Variants in CHLSN observed in about 807,000 individuals in gnomAD.
CHLSN encodes the protein protein cholesin.
At chr7:1,000,984 A>G in the CHLSN span, among the ~76,000 whole-genome samples, 1 of 152,310 alleles carries the variant, frequency 6.6e-6, no homozygotes, top group South Asian at 2.1e-4. Context: ...CCCTCACAAC[A>G]AGGGGCCAGT....
chr7:1,007,311 A>G, the CHLSN span, among the ~76,000 whole-genome samples: 1 of 152,216 alleles, frequency 6.6e-6, no homozygotes, highest in South Asian at 2.1e-4. Context: ...GTCCCAGTCC[A>G]GGGCCTCTGC....
chr7:1,009,412 C>T, the CHLSN span, among the ~76,000 whole-genome samples: 2 of 152,184 alleles, frequency 1.3e-5, no homozygotes, highest in East Asian at 1.9e-4. Context: ...GTGGAGCCCA[C>T]GCCAAAGCCT....
chr7:983,095 C>A, the CHLSN span: 1 of 901,174 alleles, frequency 1.1e-6, no homozygotes, highest in Non-Finnish European at 1.5e-6. Context: ...CTGCTCGTTC[C>A]ACATTCTCGG....
chr7:981,512 G>A, the CHLSN span, among the ~76,000 whole-genome samples: 3 of 151,288 alleles, frequency 2.0e-5, no homozygotes, highest in Non-Finnish European at 2.9e-5. Context: ...TCAAGAGATC[G>A]AGACTGTCCT....
chr7:1,019,166 C>A, the CHLSN span, among the ~76,000 whole-genome samples: 3 of 128,776 alleles, frequency 2.3e-5, no homozygotes, highest in African/African-American at 9.0e-5. Flanking sequence ...TGCACTCCAG[C>A]CTGGGCAATA....
At chr7:1,095,046 AC>A in the CHLSN span, among the ~76,000 whole-genome samples, 8 of 152,188 alleles carry the variant, frequency 5.3e-5, no homozygotes, top group African/African-American at 1.9e-4. Flanking sequence ...CACGTGTGGC[AC>A]AGTCCTGCAG....
At chr7:1,009,978 C>A in the CHLSN span, 1 of 1,575,542 alleles carries the variant, frequency 6.3e-7, no homozygotes, top group East Asian at 2.3e-5. Context: ...GCCAGTTCGG[C>A]CCCCGAGCGC....
chr7:1,001,820 T>TTA, the CHLSN span, among the ~76,000 whole-genome samples: 3 of 74,938 alleles, frequency 4.0e-5, no homozygotes, highest in African/African-American at 5.7e-5. Flanking sequence ...GTCCTGTGGG[T>TTA]GTGGAGCCCT....
chr7:1,112,382 G>A, the CHLSN span, among the ~76,000 whole-genome samples: 951 of 152,332 alleles, frequency 6.2e-3, 7 homozygotes, highest in Middle Eastern at 0.041. Flanking sequence ...CCTGCCCTGC[G>A]GCCCGGCCTC....
chr7:988,225 C>A, the CHLSN span: 3 of 1,533,604 alleles, frequency 2.0e-6, no homozygotes, highest in Middle Eastern at 1.8e-4. Flanking sequence ...AACCCAGGCC[C>A]CATCCCATCT....
chr7:1,070,901 CAT>C, the CHLSN span, among the ~76,000 whole-genome samples: 4 of 147,292 alleles, frequency 2.7e-5, no homozygotes, highest in Admixed American at 6.6e-5. Context: ...CGTGCACACA[CAT>C]GCACGCACAC....
At chr7:1,121,141 C>A in the CHLSN span, among the ~76,000 whole-genome samples, 139 of 152,362 alleles carry the variant, frequency 9.1e-4, 1 homozygote, top group Middle Eastern at 3.4e-3. Flanking sequence ...GGAGACCACA[C>A]AAGTTCTCGG....
chr7:1,019,219 G>C, the CHLSN span, among the ~76,000 whole-genome samples: 13 of 137,528 alleles, frequency 9.5e-5, no homozygotes, highest in East Asian at 2.0e-3. Flanking sequence ...AAACGGGGGG[G>C]GGGGAGTGAA....
At chr7:1,057,390 G>T in the CHLSN span, 1 of 604,866 alleles carries the variant, frequency 1.7e-6, no homozygotes. Context: ...GTGGTCTGCA[G>T]CGATTACTGC....
At chr7:1,100,178 T>C in the CHLSN span, among the ~76,000 whole-genome samples, 1 of 152,180 alleles carries the variant, frequency 6.6e-6, no homozygotes, top group Non-Finnish European at 1.5e-5. Flanking sequence ...CGTTCTCCTG[T>C]CCAGCCGGCC....
the CHLSN span, among the ~76,000 whole-genome samples, chr7:1,017,822 C>T: frequency 6.6e-6 from 1 of 152,238 alleles, no homozygotes; most frequent in Non-Finnish European, 1.5e-5. Context: ...GCACACAAGG[C>T]CAGGCGCTCT....
chr7:1,044,533 G>A, the CHLSN span: 1 of 151,702 alleles, frequency 6.6e-6, no homozygotes, highest in East Asian at 1.9e-4. Flanking sequence ...CGCCGGCCGG[G>A]GGCGGGGCCG....
chr7:1,136,638 A>G, the CHLSN span, among the ~76,000 whole-genome samples: 210 of 146,592 alleles, frequency 1.4e-3, no homozygotes, highest in African/African-American at 5.1e-3. Context: ...AAATATATAT[A>G]TGCGGATGTG....
chr7:1,136,016 A>T, the CHLSN span, among the ~76,000 whole-genome samples: 2 of 122,164 alleles, frequency 1.6e-5, no homozygotes, highest in South Asian at 4.6e-4. Flanking sequence ...TAAAATATAT[A>T]TGTATATATA....
Sources: gnomAD v4.1 joint callset for allele counts (sites outside exome capture counted in the v4.1 genomes callset) on GRCh38, gnomAD v4.1.1 for gene constraint, MANE v1.5 for transcripts, NCBI Gene and HGNC (gene_info 2026-07-23, HGNC 2026-07-21) for gene names.